Variants in SLC35D4 observed in about 807,000 individuals in gnomAD.
SLC35D4 encodes solute carrier family 35 member D4, also known as UDP-N-acetylglucosamine transporter SLC35D4.
At chr18:23,301,396 G>T in the SLC35D4 span, among the ~76,000 whole-genome samples, 1 of 152,110 alleles carries the variant, frequency 6.6e-6, no homozygotes, top group East Asian at 1.9e-4. Context: ...CGTTTTCTTT[G>T]CCCCTAAATT....
At chr18:23,430,582 G>T in the SLC35D4 span, 22 of 1,437,614 alleles carry the variant, frequency 1.5e-5, no homozygotes, top group South Asian at 2.7e-4. Flanking sequence ...GAATGATGGT[G>T]GTTGGACATT....
At chr18:23,413,881 T>C in the SLC35D4 span, among the ~76,000 whole-genome samples, 1 of 151,214 alleles carries the variant, frequency 6.6e-6, no homozygotes, top group African/African-American at 2.4e-5. Flanking sequence ...GAGGCGGAGC[T>C]TGCAGTGAGC....
At chr18:23,405,518 C>G in the SLC35D4 span, among the ~76,000 whole-genome samples, 1 of 152,170 alleles carries the variant, frequency 6.6e-6, no homozygotes, top group Non-Finnish European at 1.5e-5. Flanking sequence ...GCCAGCTGGT[C>G]TATGCTATTT....
the SLC35D4 span, among the ~76,000 whole-genome samples, chr18:23,389,259 G>C: frequency 1.3e-5 from 2 of 152,122 alleles, no homozygotes; most frequent in African/African-American, 4.8e-5. Flanking sequence ...AAAGTGCTGG[G>C]ATTACAGGCA....
chr18:23,243,057 TCA>T, the SLC35D4 span, among the ~76,000 whole-genome samples: 1 of 150,294 alleles, frequency 6.7e-6, no homozygotes, highest in African/African-American at 2.4e-5. Flanking sequence ...AATAACATAC[TCA>T]TATATTTATT....
chr18:23,243,001 C>T, the SLC35D4 span, among the ~76,000 whole-genome samples: 1 of 151,224 alleles, frequency 6.6e-6, no homozygotes, highest in South Asian at 2.1e-4. Context: ...CCCCAATATA[C>T]ATACAGTATA....
At chr18:23,303,393 A>T in the SLC35D4 span, among the ~76,000 whole-genome samples, 12 of 152,314 alleles carry the variant, frequency 7.9e-5, no homozygotes, top group South Asian at 2.3e-3. Context: ...CTCAGGGCAT[A>T]CCATAAAGTT....
At chr18:23,290,729 C>T in the SLC35D4 span, among the ~76,000 whole-genome samples, 3 of 151,772 alleles carry the variant, frequency 2.0e-5, no homozygotes, top group African/African-American at 4.8e-5. Context: ...TGGGTTCAAG[C>T]GATTCTCCTG....
chr18:23,308,260 C>T, the SLC35D4 span, among the ~76,000 whole-genome samples: 3 of 152,132 alleles, frequency 2.0e-5, no homozygotes, highest in Non-Finnish European at 4.4e-5. Flanking sequence ...TGAGGAGACA[C>T]ATGTGTGCCA....
At chr18:23,437,790 G>A in the SLC35D4 span, 1 of 1,611,362 alleles carries the variant, frequency 6.2e-7, no homozygotes. Flanking sequence ...CCTTGTTCGT[G>A]AGGTAAGAAG....
At chr18:23,283,498 G>GA in the SLC35D4 span, among the ~76,000 whole-genome samples, 9 of 139,342 alleles carry the variant, frequency 6.5e-5, no homozygotes, top group South Asian at 2.3e-4. Flanking sequence ...AAAAAAGAAA[G>GA]AAAGAAAAGA....
At chr18:23,242,529 A>G in the SLC35D4 span, among the ~76,000 whole-genome samples, 1 of 152,150 alleles carries the variant, frequency 6.6e-6, no homozygotes, top group Admixed American at 6.5e-5. Flanking sequence ...CCAGGTCGGT[A>G]GTGGGTTTTT....
chr18:23,279,649 T>A, the SLC35D4 span, among the ~76,000 whole-genome samples: 1 of 151,816 alleles, frequency 6.6e-6, no homozygotes, highest in Non-Finnish European at 1.5e-5. Flanking sequence ...GAAACAGACA[T>A]CTACAAGGCA....
chr18:23,287,526 T>C, the SLC35D4 span, among the ~76,000 whole-genome samples: 1 of 152,244 alleles, frequency 6.6e-6, no homozygotes. Flanking sequence ...CTGCTGATCA[T>C]GTCCGACTAA....
chr18:23,402,866 G>T, the SLC35D4 span, among the ~76,000 whole-genome samples: 3 of 152,204 alleles, frequency 2.0e-5, no homozygotes, highest in South Asian at 6.2e-4. Context: ...CAGCACTTTG[G>T]GAGGCCGAGA....
the SLC35D4 span, among the ~76,000 whole-genome samples, chr18:23,295,792 G>A: frequency 2.0e-5 from 3 of 152,112 alleles, no homozygotes; most frequent in South Asian, 2.1e-4. Flanking sequence ...CGTATTTCCC[G>A]GACGCCATGG....
chr18:23,383,115 G>A, the SLC35D4 span, among the ~76,000 whole-genome samples: 20 of 152,082 alleles, frequency 1.3e-4, no homozygotes, highest in African/African-American at 4.6e-4. Context: ...TCAGATGTCC[G>A]GGGAGAACCA....
the SLC35D4 span, among the ~76,000 whole-genome samples, chr18:23,355,749 C>A: frequency 6.6e-6 from 1 of 152,140 alleles, no homozygotes; most frequent in Non-Finnish European, 1.5e-5. Flanking sequence ...CAATTCTTCA[C>A]GATCTATTGA....
the SLC35D4 span, chr18:23,377,039 G>C: frequency 2.2e-6 from 1 of 452,014 alleles, no homozygotes; most frequent in Non-Finnish European, 4.4e-6. Context: ...CACCTCTGTT[G>C]GTTTTCTGTC....
Sources: allele counts gnomAD v4.1 joint callset (sites outside exome capture counted in the v4.1 genomes callset), GRCh38; gene constraint gnomAD v4.1.1; transcripts MANE v1.5; gene names NCBI Gene and HGNC (gene_info 2026-07-23, HGNC 2026-07-21).